Variants in FGF14 observed in about 807,000 individuals in gnomAD.
FGF14 encodes the protein fibroblast growth factor homologous factor 4.
FGF14 carries 5 observed loss-of-function variants against 25.5 expected under a neutral mutation model. The observed-to-expected ratio is 0.20, with a 90% CI of 0.10 to 0.41. FGF14 has a LOEUF of 0.41. Ranked by LOEUF, FGF14 falls within the 10% of genes least tolerant of loss-of-function variation. FGF14 has a pLI of 1.00. For missense variants in FGF14, 222 were observed against 320.1 expected (o/e 0.69, Z 2.34); for synonymous variants, 138 against 118.3 (o/e 1.17, Z -1.08).
chr13:101,881,596 T>A (rs1296355117), intron 1 of FGF14, among the ~76,000 whole-genome samples: 1 of 151,860 alleles, frequency 6.6e-6, no homozygotes, highest in Non-Finnish European at 1.5e-5. Flanking sequence ...AAAGCACGTA[T>A]CTTTTGGTGA....
chr13:102,191,726 C>A (rs1193481161), intron 1 of FGF14, among the ~76,000 whole-genome samples: 1 of 152,096 alleles, frequency 6.6e-6, no homozygotes, highest in African/African-American at 2.4e-5. Flanking sequence ...AGCATCAATT[C>A]TAAAGTACAA....
intron 1 of FGF14, among the ~76,000 whole-genome samples, chr13:102,272,535 G>A (rs192255103): frequency 1.3e-5 from 2 of 152,190 alleles, no homozygotes; most frequent in East Asian, 1.9e-4. Flanking sequence ...TGGCAGGAAC[G>A]GTAGTAATAA....
At chr13:102,161,011 C>A (rs1403537743) in intron 1 of FGF14, among the ~76,000 whole-genome samples, 9 of 151,934 alleles carry the variant, frequency 5.9e-5, no homozygotes, top group Non-Finnish European at 1.3e-4. Flanking sequence ...TATTAAAAGT[C>A]ATATTGATAG....
At chr13:101,813,676 GA>G (rs142006914) in intron 3 of FGF14, among the ~76,000 whole-genome samples, 10,693 of 152,240 alleles carry the variant, frequency 0.07, 605 homozygotes, top group East Asian at 0.16. Flanking sequence ...GTATGAGCAG[GA>G]ATAAATAGTA....
At chr13:102,219,213 C>T (rs913855498) in intron 1 of FGF14, among the ~76,000 whole-genome samples, 15 of 152,204 alleles carry the variant, frequency 9.9e-5, no homozygotes, top group African/African-American at 2.9e-4. Context: ...AGCAGCTACA[C>T]TGGTTGGATA....
At chr13:102,169,638 C>T (rs546038251) in intron 1 of FGF14, among the ~76,000 whole-genome samples, 7 of 152,250 alleles carry the variant, frequency 4.6e-5, no homozygotes, top group Non-Finnish European at 8.8e-5. Flanking sequence ...TATGAAGATG[C>T]GCACATGTTA....
At chr13:102,286,423 C>T (rs2054100929) in intron 1 of FGF14, among the ~76,000 whole-genome samples, 1 of 152,182 alleles carries the variant, frequency 6.6e-6, no homozygotes, top group African/African-American at 2.4e-5. Context: ...CTGTACTTTA[C>T]ACTCAGTCAC....
At chr13:102,389,431 G>A (rs2058380794) in intron 1 of FGF14, among the ~76,000 whole-genome samples, 1 of 152,180 alleles carries the variant, frequency 6.6e-6, no homozygotes, top group Non-Finnish European at 1.5e-5. Context: ...GCAGTGCCAA[G>A]AGAAATAGAA....
At chr13:102,056,154 T>C (rs1311186513) in intron 1 of FGF14, among the ~76,000 whole-genome samples, 1 of 152,232 alleles carries the variant, frequency 6.6e-6, no homozygotes, top group African/African-American at 2.4e-5. Flanking sequence ...CATTTATACA[T>C]AGTCTACAGT....
chr13:102,066,999 C>T (rs933508039), intron 1 of FGF14, among the ~76,000 whole-genome samples: 6 of 152,056 alleles, frequency 3.9e-5, no homozygotes, highest in Non-Finnish European at 7.4e-5. Context: ...CTTAGATTAC[C>T]GTCTCACCAT....
At chr13:102,066,159 T>A (rs2042895708) in intron 1 of FGF14, among the ~76,000 whole-genome samples, 1 of 152,132 alleles carries the variant, frequency 6.6e-6, no homozygotes, top group Non-Finnish European at 1.5e-5. Context: ...TATTAACGTA[T>A]CATGAATCCA....
intron 1 of FGF14, among the ~76,000 whole-genome samples, chr13:101,957,517 G>A (rs1253848143): frequency 6.6e-6 from 1 of 152,070 alleles, no homozygotes; most frequent in Non-Finnish European, 1.5e-5. Flanking sequence ...CATTGCCATT[G>A]GTCAGTAACT....
chr13:102,148,435 A>C (rs546787911), intron 1 of FGF14, among the ~76,000 whole-genome samples: 1 of 152,176 alleles, frequency 6.6e-6, no homozygotes, highest in African/African-American at 2.4e-5. Context: ...TCATCACATC[A>C]TATAGAGTGA....
chr13:102,252,105 G>A (rs75136468), intron 1 of FGF14, among the ~76,000 whole-genome samples: 1,800 of 152,206 alleles, frequency 0.012, 35 homozygotes, highest in African/African-American at 0.04. Context: ...AAGATAGCTG[G>A]GAAAGGCATT....
chr13:102,163,046 T>C (rs1256194088), intron 1 of FGF14, among the ~76,000 whole-genome samples: 3 of 152,196 alleles, frequency 2.0e-5, no homozygotes, highest in Admixed American at 6.5e-5. Context: ...ATATTTCATA[T>C]AGAGGGATTC....
chr13:102,238,104 C>G (rs2051413205), intron 1 of FGF14, among the ~76,000 whole-genome samples: 1 of 152,122 alleles, frequency 6.6e-6, no homozygotes, highest in Non-Finnish European at 1.5e-5. Flanking sequence ...AATTGAATTG[C>G]ATGCTTACTA....
chr13:102,364,084 T>C (rs2057641713), intron 1 of FGF14, among the ~76,000 whole-genome samples: 2 of 152,204 alleles, frequency 1.3e-5, no homozygotes, highest in African/African-American at 4.8e-5. Flanking sequence ...TGAAGGAAAT[T>C]GTGTTATTGC....
chr13:102,139,597 G>T (rs546154348), intron 1 of FGF14, among the ~76,000 whole-genome samples: 2 of 152,162 alleles, frequency 1.3e-5, no homozygotes, highest in South Asian at 2.1e-4. Flanking sequence ...CTGCTGTGGA[G>T]GGGGGGATGG....
chr13:101,796,812 G>A (rs372570513), intron 3 of FGF14, among the ~76,000 whole-genome samples: 5 of 152,136 alleles, frequency 3.3e-5, no homozygotes, highest in East Asian at 3.9e-4. Context: ...TAAGCCCCCC[G>A]GTTGGTAGTA....
Sources: gnomAD v4.1 joint callset for allele counts (sites outside exome capture counted in the v4.1 genomes callset) on GRCh38, gnomAD v4.1.1 for gene constraint, MANE v1.5 for transcripts, NCBI Gene and HGNC (gene_info 2026-07-23, HGNC 2026-07-21) for gene names.